The following MRM1 variants were observed in gnomAD, a reference collection of about 807,000 sequenced individuals.
MRM1 encodes mitochondrial rRNA methyltransferase 1.
Under a neutral mutation model 25.0 loss-of-function variants are expected in MRM1, and 24 were observed. The observed-to-expected ratio is 0.96, with a 90% confidence interval of 0.69 to 1.35. MRM1 has a LOEUF of 1.35. MRM1 is among the 40% of genes most tolerant of loss of function. The probability of loss-of-function intolerance (pLI) is 0.00; values close to 1 mark genes in which losing one functional copy is unlikely to be tolerated. For synonymous variants in MRM1, 188 were observed against 199.2 expected (o/e 0.94, Z 0.47); for missense variants, 431 against 464.1 (o/e 0.93, Z 0.65).
downstream of MRM1, among the ~76,000 whole-genome samples, chr17:36,610,890 T>G (rs2074972985): frequency 4.6e-5 from 7 of 152,160 alleles, no homozygotes; most frequent in South Asian, 1.4e-3. Flanking sequence ...CCCAGCTCAC[T>G]GCAACCTCTG....
the MRM1 span, among the ~76,000 whole-genome samples, chr17:36,623,483 G>T: frequency 6.6e-6 from 1 of 152,022 alleles, no homozygotes; most frequent in East Asian, 1.9e-4. Context: ...GATTAATCTC[G>T]CCTGGATGCT....
chr17:36,627,939 G>C, the MRM1 span, among the ~76,000 whole-genome samples: 1 of 152,246 alleles, frequency 6.6e-6, no homozygotes, highest in East Asian at 1.9e-4. Context: ...GCCTCTCAAA[G>C]TGTTGGGATT....
chr17:36,612,995 T>C (rs138646517), downstream of MRM1, among the ~76,000 whole-genome samples: 267 of 151,872 alleles, frequency 1.8e-3, 2 homozygotes, highest in African/African-American at 5.9e-3. Context: ...CTGGAGGGAG[T>C]TGAGGGAGGA....
At chr17:36,618,565 G>A in the MRM1 span, among the ~76,000 whole-genome samples, 286 of 152,234 alleles carry the variant, frequency 1.9e-3, 2 homozygotes, top group East Asian at 0.019. Flanking sequence ...CTAGGCCAGC[G>A]TGGCTGGAGA....
rs2074893425 is a variant in MRM1, at chr17:36,602,904, G to T, written c.636+258G>T. On this transcript the variant is annotated intron_variant, in intron 2 of 4. Coordinates refer to ENST00000614766, the MANE Select transcript of MRM1 (RefSeq NM_024864.5). The surrounding 1 kb of genome is among the most constrained non-coding windows in gnomAD (Gnocchi z 4.1). ...ACCACTTTGCCTCTTCTGTAAGTCA[G>T]CCTCAGTGTCTATTTGCCTACTAGG... The T allele has an allele frequency of 2.0e-6, 2 of 983,586 alleles. No individual in the cohort carries two copies. The highest frequency in any genetic ancestry group is 2.4e-6 in the Non-Finnish European group (2 of 828,276). The allele number at this position is 983,586 out of a possible 1,614,324, so 60.9% of individuals were successfully genotyped here.
At chr17:36,611,466 A>G (rs17138328), downstream of MRM1, among the ~76,000 whole-genome samples, 9,481 of 152,200 alleles carry the variant, frequency 0.062, 506 homozygotes, top group African/African-American at 0.13. Context: ...AGGACACTGC[A>G]CCCCAGGACT....
At chr17:36,627,915 A>G in the MRM1 span, among the ~76,000 whole-genome samples, 1 of 151,994 alleles carries the variant, frequency 6.6e-6, no homozygotes, top group South Asian at 2.1e-4. Flanking sequence ...ACCTCAAGTG[A>G]TCTGCCCACC....
the MRM1 span, among the ~76,000 whole-genome samples, chr17:36,628,568 G>C: frequency 2.0e-4 from 31 of 152,274 alleles, no homozygotes; most frequent in African/African-American, 6.5e-4. Context: ...AGTGTGGCCA[G>C]TGCTCCGAGA....
downstream of MRM1, among the ~76,000 whole-genome samples, chr17:36,612,430 A>T (rs1487838078): frequency 1.3e-5 from 2 of 152,182 alleles, no homozygotes; most frequent in African/African-American, 4.8e-5. Context: ...GATGAGGAGG[A>T]TGAGGCCTGA....
chr17:36,608,355 C>A lies in MRM1; in HGVS notation c.1002C>A (p.Ser334Arg). 6.2e-7 allele frequency: 1 copy of A among 1,609,702 alleles called. No homozygotes were observed. ...CCTCAGCCAGGTCTGAAGGGCTCAG[C>A]ATGGCTCAGCACCCAGGGCTGTCTT... is the stretch of plus-strand genomic sequence containing the variant. The part of the protein sequence containing the change: ...QEPSARSEGL[S>R]MAQHPGLSSG... The change falls in exon 5 of 5, where the codon AGC (serine) becomes AGA (arginine). Residue 334 changes from serine (S) to arginine (R), a missense_variant. Physicochemically the swap from Ser to Arg is moderately radical, Grantham distance 110. Transcript: ENST00000614766.
rs542925655 is a variant in MRM1, at chr17:36,606,026, A to G, written c.637-1644A>G. Among the ~76,000 whole-genome samples, 303 of 152,294 alleles carry G rather than the reference A, an allele frequency of 2.0e-3. 3 individuals carry two copies. The Middle Eastern group carries it at 0.02, about 10-fold the overall frequency. On this transcript the variant is annotated intron_variant, in intron 2 of 4. Transcript: ENST00000614766. ...AGTCCTTCCAGTAGCCCTGGAGACC[A>G]TACCTCATGTGGCTCTTGTTCCTTC...
rs1377082208 is a variant in MRM1, at chr17:36,602,587, G to A, written c.577G>A (p.Ala193Thr). 1.9e-6 allele frequency: 3 copies of A among 1,614,190 alleles called. No homozygotes were observed. Among genetic ancestry groups the A allele is most frequent in the African/African-American group, 1.3e-5 (1 of 75,052 alleles). Reference sequence around the variant, plus strand: ...CACTCCAGTAGTCAGCAAGTCCAGCGCGGGGGCTATGGAGGTGATGGACGT... The same window carrying A: ...CACTCCAGTAGTCAGCAAGTCCAGCACGGGGGCTATGGAGGTGATGGACGT... ...PLTPVVSKSS[A>T]GAMEVMDVFS... Residue 193 changes from alanine (A) to threonine (T), a missense_variant, in exon 2 of 5, where the codon GCG (alanine) becomes ACG (threonine). Transcript: ENST00000614766. The surrounding 1 kb of genome is among the most constrained non-coding windows in gnomAD (Gnocchi z 4.1).
intron 2 of MRM1, among the ~76,000 whole-genome samples, chr17:36,604,043 G>A (rs1215703393): frequency 2.0e-5 from 3 of 152,228 alleles, no homozygotes; most frequent in African/African-American, 7.2e-5. Context: ...TCATCCGCCT[G>A]TTGCTGTGGA....
the MRM1 span, among the ~76,000 whole-genome samples, chr17:36,615,201 G>T: frequency 6.6e-6 from 1 of 152,184 alleles, no homozygotes; most frequent in African/African-American, 2.4e-5. Flanking sequence ...TTCACCAGCT[G>T]CTGTGGGCCG....
the MRM1 span, among the ~76,000 whole-genome samples, chr17:36,625,596 G>A: frequency 6.6e-6 from 1 of 151,138 alleles, no homozygotes; most frequent in Non-Finnish European, 1.5e-5. Context: ...CGAGTAGCTG[G>A]GATTACAAGT....
At position 36,607,963 on chromosome 17, in the gene MRM1, GC is replaced by G; in HGVS notation, c.838del (p.Arg280GlyfsTer11). Reference sequence around the variant, plus strand: ...CCTGCCAGCTTCTCCTCACCATCCTGCCCCGGCGCCAGCTGCCTCCTGGACT... The same window carrying G: ...CCTGCCAGCTTCTCCTCACCATCCTGCCCGGCGCCAGCTGCCTCCTGGACT... Reference protein sequence around the residue: ...ASCQLLLTILPRRQLPPGLES... With the variant: ...ASCQLLLTILXRRQLPPGLES... On this transcript the variant is annotated frameshift_variant, in exon 4 of 5. Transcript: ENST00000614766. LOFTEE classifies it high-confidence loss of function. 6.2e-7 allele frequency: 1 copy of G among 1,614,134 alleles called. No individual in the cohort carries two copies. The highest frequency in any genetic ancestry group is 1.1e-5 in the South Asian group (1 of 91,078).
chr17:36,617,633 T>A, the MRM1 span, among the ~76,000 whole-genome samples: 48 of 152,066 alleles, frequency 3.2e-4, no homozygotes, highest in Non-Finnish European at 6.3e-4. Flanking sequence ...TGACCTCAAG[T>A]GATCCACCCG....
At chr17:36,620,627 A>G in the MRM1 span, among the ~76,000 whole-genome samples, 6 of 152,204 alleles carry the variant, frequency 3.9e-5, no homozygotes, top group Non-Finnish European at 7.3e-5. Flanking sequence ...GACAGAAGAT[A>G]TGTTTGGGGT....
chr17:36,616,676 A>T, the MRM1 span, among the ~76,000 whole-genome samples: 1 of 152,174 alleles, frequency 6.6e-6, no homozygotes, highest in Admixed American at 6.5e-5. Context: ...TTTGTTATGC[A>T]CTTACCATGG....
Sources: allele counts gnomAD v4.1 joint callset (sites outside exome capture counted in the v4.1 genomes callset), GRCh38; gene constraint gnomAD v4.1.1; non-coding constraint Gnocchi (gnomAD v3.1); transcripts MANE v1.5; gene names NCBI Gene and HGNC (gene_info 2026-07-23, HGNC 2026-07-21).